ME3: variants seen among roughly 807,000 people sequenced by gnomAD.
ME3 encodes NADP-dependent malic enzyme, mitochondrial.
A neutral mutation model predicts 68.9 loss-of-function variants in ME3; 48 were observed. The observed-to-expected ratio is 0.70, with a 90% confidence interval of 0.55 to 0.89. The LOEUF (loss-of-function observed/expected upper bound fraction) is 0.89. Ranked by LOEUF, ME3 falls within the 40% of genes least tolerant of loss-of-function variation. ME3 has a pLI of 0.00. For missense variants in ME3, 675 were observed against 797.4 expected (o/e 0.85, Z 1.85); for synonymous variants, 320 against 318.8 (o/e 1.00, Z -0.04).
the ME3 span, chr11:86,435,254 A>G: frequency 6.6e-6 from 1 of 152,230 alleles, no homozygotes; most frequent in Non-Finnish European, 1.5e-5. Context: ...AAATCTCTCT[A>G]GAGACTTCCA....
intron 8 of ME3, among the ~76,000 whole-genome samples, chr11:86,456,655 T>G (rs911336903): frequency 1.7e-4 from 26 of 151,954 alleles, no homozygotes; most frequent in Admixed American, 1.2e-3. Flanking sequence ...AGCAGGGTGG[T>G]AGCAGAGGCA....
exon 9 of ME3, chr11:86,450,350 G>A (rs1351768136): frequency 6.2e-7 from 1 of 1,614,124 alleles, no homozygotes; most frequent in Non-Finnish European, 8.5e-7. Context: ...CTTGTTCTTG[G>A]TGATTCGCAG....
chr11:86,506,432 C>A (rs987102435), intron 5 of ME3, among the ~76,000 whole-genome samples: 4 of 152,154 alleles, frequency 2.6e-5, no homozygotes, highest in African/African-American at 9.7e-5. Flanking sequence ...CCATGTTTTT[C>A]TCATTTTGCA....
At chr11:86,579,022 G>A (rs951308079) in intron 2 of ME3, among the ~76,000 whole-genome samples, 1 of 151,978 alleles carries the variant, frequency 6.6e-6, no homozygotes, top group African/African-American at 2.4e-5. Context: ...ATTTCACCTT[G>A]TTGGCTCATT....
intron 4 of ME3, among the ~76,000 whole-genome samples, chr11:86,536,760 A>G (rs1437440143): frequency 1.3e-5 from 2 of 151,468 alleles, no homozygotes; most frequent in South Asian, 2.1e-4. Flanking sequence ...TAGAAATACC[A>G]TTTGACCCAG....
chr11:86,446,230 A>C, intron 13 of ME3, 84 bp downstream of exon 13: 5 of 1,475,730 alleles, frequency 3.4e-6, no homozygotes, highest in Non-Finnish European at 4.6e-6. Flanking sequence ...GATGGGCAGA[A>C]GAGATAAGAG....
intron 2 of ME3, among the ~76,000 whole-genome samples, chr11:86,593,511 T>C (rs765971536): frequency 6.8e-6 from 1 of 146,554 alleles, no homozygotes; most frequent in African/African-American, 2.5e-5. Flanking sequence ...AACCAGTAAG[T>C]TGCAGAACTG....
intron 4 of ME3, among the ~76,000 whole-genome samples, chr11:86,552,834 T>C (rs1956761253): frequency 6.6e-6 from 1 of 152,060 alleles, no homozygotes; most frequent in Non-Finnish European, 1.5e-5. Context: ...AGCTGGGAAA[T>C]GTTAGGTCTA....
At chr11:86,472,499 C>G (rs931390513) in intron 7 of ME3, among the ~76,000 whole-genome samples, 5 of 152,022 alleles carry the variant, frequency 3.3e-5, no homozygotes, top group Middle Eastern at 3.2e-3. Context: ...GACATGTAGG[C>G]AGAGAAGAAG....
chr11:86,622,800 A>G (rs1007200810), intron 2 of ME3: 1 of 151,944 alleles, frequency 6.6e-6, no homozygotes, highest in Non-Finnish European at 1.5e-5. Context: ...TTCATCCATC[A>G]AGATTGTCTT....
At chr11:86,568,210 A>T (rs1192086687) in intron 2 of ME3, among the ~76,000 whole-genome samples, 2 of 152,160 alleles carry the variant, frequency 1.3e-5, no homozygotes. Flanking sequence ...TAGGGACCTG[A>T]CTATTGTTAC....
chr11:86,462,771 C>T, intron 8 of ME3: 1 of 458,188 alleles, frequency 2.2e-6, no homozygotes, highest in Non-Finnish European at 4.3e-6. Flanking sequence ...TTTTGGGGTA[C>T]AATGAAGTAA....
intron 4 of ME3, among the ~76,000 whole-genome samples, chr11:86,530,702 A>T (rs1955149117): frequency 6.6e-6 from 1 of 152,236 alleles, no homozygotes; most frequent in African/African-American, 2.4e-5. Context: ...CTGCTTATCT[A>T]CAACCATCTG....
At chr11:86,518,394 C>T (rs1954037466) in intron 4 of ME3, among the ~76,000 whole-genome samples, 1 of 152,094 alleles carries the variant, frequency 6.6e-6, no homozygotes, top group Admixed American at 6.5e-5. Flanking sequence ...AACAAAGTAA[C>T]GCTTATCATC....
intron 4 of ME3, among the ~76,000 whole-genome samples, chr11:86,520,995 G>A (rs1954233524): frequency 6.6e-6 from 1 of 152,186 alleles, no homozygotes; most frequent in Non-Finnish European, 1.5e-5. Flanking sequence ...CTGTGACTCG[G>A]AGCTAGACAG....
chr11:86,551,822 T>C (rs1432748210), intron 4 of ME3, among the ~76,000 whole-genome samples: 3 of 152,204 alleles, frequency 2.0e-5, no homozygotes, highest in East Asian at 1.9e-4. Flanking sequence ...TTTGTCCAAA[T>C]ACATCTTCAG....
At chr11:86,649,129 G>A (rs542782145) in intron 2 of ME3, among the ~76,000 whole-genome samples, 4 of 152,170 alleles carry the variant, frequency 2.6e-5, no homozygotes, top group Non-Finnish European at 4.4e-5. Flanking sequence ...CATCAACTTG[G>A]CTTCATCCCT....
chr11:86,468,728 A>G (rs1285773786), intron 7 of ME3, among the ~76,000 whole-genome samples: 2 of 152,210 alleles, frequency 1.3e-5, no homozygotes, highest in Non-Finnish European at 2.9e-5. Context: ...CTTTCACCAT[A>G]ACACTAATTT....
chr11:86,668,169 G>T (rs549128106), intron 2 of ME3: 4 of 152,136 alleles, frequency 2.6e-5, no homozygotes, highest in Admixed American at 2.6e-4. Context: ...CAGCAGGCAG[G>T]CTGCCTCTGT....
Sources: gnomAD v4.1 joint callset for allele counts (sites outside exome capture counted in the v4.1 genomes callset) on GRCh38, gnomAD v4.1.1 for gene constraint, MANE v1.5 for transcripts, NCBI Gene and HGNC (gene_info 2026-07-23, HGNC 2026-07-21) for gene names.